GRIK2: variants seen among roughly 807,000 people sequenced by gnomAD.
GRIK2 encodes the protein glutamate receptor ionotropic, kainate 2.
A neutral mutation model predicts 100.3 loss-of-function variants in GRIK2; 32 were observed. The observed-to-expected ratio is 0.32, with a 90% CI of 0.24 to 0.43. The LOEUF is 0.43. Among genes scored for constraint, GRIK2 ranks in the 20% least tolerant of loss-of-function variants. GRIK2 has a pLI of 1.00. For missense variants in GRIK2, 843 were observed against 1,114.9 expected (o/e 0.76, Z 3.47); for synonymous variants, 417 against 389.4 (o/e 1.07, Z -0.83).
chr6:101,734,257 T>C (rs1775483290), intron 7 of GRIK2, among the ~76,000 whole-genome samples: 1 of 152,174 alleles, frequency 6.6e-6, no homozygotes, highest in Non-Finnish European at 1.5e-5. Context: ...GTTGGTATGC[T>C]GGAGACCCAG....
intron 14 of GRIK2, among the ~76,000 whole-genome samples, chr6:102,027,562 GTGT>G (rs35542977): frequency 0.27 from 41,115 of 150,712 alleles, 5,948 homozygotes; most frequent in East Asian, 0.34. Context: ...CATGGTGGAT[GTGT>G]TGTTGTTATG....
At chr6:102,000,845 T>G (rs1048549706) in intron 14 of GRIK2, among the ~76,000 whole-genome samples, 1 of 152,086 alleles carries the variant, frequency 6.6e-6, no homozygotes, top group Non-Finnish European at 1.5e-5. Context: ...AGATTTAGAT[T>G]TTCATTGATT....
chr6:101,897,023 CACACACACAG>C lies in GRIK2; in HGVS notation c.1748+7166_1748+7175del, dbSNP rs1278157997. Among the ~76,000 whole-genome samples the C allele has an allele frequency of 2.0e-5, 3 of 151,426 alleles. No individual in the cohort carries two copies. In the East Asian group the frequency reaches 5.8e-4, roughly 29 times the overall value. On this transcript the variant is annotated intron_variant, in intron 12 of 16. Coordinates refer to ENST00000369134, the MANE Select transcript of GRIK2 (RefSeq NM_021956.5). Reference sequence around the variant, plus strand: ...ACACACACACACACACACACACACACACACACACAGACACATACACATGCACACACATCTG... The same window carrying C: ...ACACACACACACACACACACACACACACACATACACATGCACACACATCTG...
At position 101,615,140 on chromosome 6, in the gene GRIK2, CCTT is replaced by C. The variant is rs112347621; in HGVS notation, c.116-6805_116-6803del. On this transcript the variant is annotated intron_variant, in intron 2 of 16. Coordinates refer to ENST00000369134, the MANE Select transcript of GRIK2 (RefSeq NM_021956.5). The stretch of plus-strand genomic sequence containing the variant: ...ATGAAAAAGAAAGGTATTCTCCTCT[CCTT>C]CTTTTTTTCTTCTTTTAACAAGCCT... Among the ~76,000 whole-genome samples, 993 of 151,768 alleles carry C rather than the reference CCTT, an allele frequency of 6.5e-3. 13 individuals carry two copies. Among genetic ancestry groups the C allele is most frequent in the African/African-American group, 0.023 (961 of 41,494 alleles).
chr6:101,607,362 A>G (rs1451655118), intron 2 of GRIK2, among the ~76,000 whole-genome samples: 2 of 152,022 alleles, frequency 1.3e-5, no homozygotes, highest in Non-Finnish European at 2.9e-5. Context: ...GGGAATGAGG[A>G]TCAGAACATC....
chr6:101,882,953 T>G (rs1287766377), intron 11 of GRIK2, among the ~76,000 whole-genome samples: 4 of 152,078 alleles, frequency 2.6e-5, no homozygotes, highest in Non-Finnish European at 4.4e-5. Flanking sequence ...TAGCAGTTAT[T>G]GACTATTATT....
In GRIK2 at chr6:101,889,855, C is replaced by T; in HGVS notation, c.1740C>T (p.Val580=). 6.3e-7 allele frequency: 1 copy of T among 1,598,886 alleles called. No homozygotes were observed. Among genetic ancestry groups the T allele is most frequent in the Non-Finnish European group, 8.6e-7 (1 of 1,166,330 alleles). Residue 580 remains valine (V), a synonymous_variant, in exon 12 of 17, where the codon GTC becomes GTT. Coordinates refer to ENST00000369134, the MANE Select transcript of GRIK2 (RefSeq NM_021956.5). ...TGGGTGTCAGTTGTGTGCTCTTTGTCATAGCCAGGTAACATGCTCACTTTT... is the reference window on the plus strand; with the variant it reads ...TGGGTGTCAGTTGTGTGCTCTTTGTTATAGCCAGGTAACATGCTCACTTTT... ...AYLGVSCVLF[V]IARFSPYEWY...
At chr6:102,013,965 C>A (rs767942448) in intron 14 of GRIK2, among the ~76,000 whole-genome samples, 1 of 152,050 alleles carries the variant, frequency 6.6e-6, no homozygotes, top group Admixed American at 6.5e-5. Context: ...GGGAGGAGCG[C>A]TTCCTCCTCA....
At chr6:101,570,204 T>C (rs914336500) in intron 2 of GRIK2, among the ~76,000 whole-genome samples, 1 of 152,086 alleles carries the variant, frequency 6.6e-6, no homozygotes, top group African/African-American at 2.4e-5. Flanking sequence ...AAGATCATTT[T>C]ACCGCTACAA....
intron 3 of GRIK2, among the ~76,000 whole-genome samples, chr6:101,625,661 A>G (rs1780396287): frequency 6.6e-6 from 1 of 152,156 alleles, no homozygotes; most frequent in Non-Finnish European, 1.5e-5. Context: ...TAGTTTGTTC[A>G]TGCCTTTCTT....
intron 10 of GRIK2, among the ~76,000 whole-genome samples, chr6:101,821,212 C>A (rs1183099477): frequency 6.6e-6 from 1 of 152,080 alleles, no homozygotes. Flanking sequence ...ATTTCTCAAT[C>A]TTGCTTCAGT....
At chr6:101,623,988 CTT>C (rs1221201964) in intron 3 of GRIK2, among the ~76,000 whole-genome samples, 8 of 151,828 alleles carry the variant, frequency 5.3e-5, no homozygotes, top group African/African-American at 1.7e-4. Context: ...TATAAAATAA[CTT>C]TAGATATTTT....
intron 2 of GRIK2, among the ~76,000 whole-genome samples, chr6:101,493,642 A>C (rs542338514): frequency 1.3e-5 from 2 of 152,084 alleles, no homozygotes; most frequent in South Asian, 4.1e-4. Context: ...AGAGCCTTCA[A>C]ACAAGGTCAG....
intron 11 of GRIK2, among the ~76,000 whole-genome samples, chr6:101,881,405 A>G (rs1241994546): frequency 6.6e-6 from 1 of 151,932 alleles, no homozygotes; most frequent in Non-Finnish European, 1.5e-5. Context: ...AGAAAATATT[A>G]GAAACATTGT....
chr6:101,689,230 A>G (rs1044285303), intron 7 of GRIK2, among the ~76,000 whole-genome samples: 2 of 152,056 alleles, frequency 1.3e-5, no homozygotes, highest in African/African-American at 2.4e-5. Flanking sequence ...CCTTCAGTCA[A>G]TTCATGAGAT....
intron 2 of GRIK2, among the ~76,000 whole-genome samples, chr6:101,544,809 A>G (rs1030786054): frequency 6.6e-6 from 1 of 152,196 alleles, no homozygotes; most frequent in African/African-American, 2.4e-5. Context: ...GTTCAAGGTC[A>G]TCCAATAAGG....
intron 7 of GRIK2, among the ~76,000 whole-genome samples, chr6:101,789,563 G>A (rs9485543): frequency 0.27 from 41,521 of 151,800 alleles, 7,532 homozygotes; most frequent in East Asian, 0.68. Context: ...CCATTGATCT[G>A]TATCTCTGTT....
chr6:101,498,188 G>C (rs926487413), intron 2 of GRIK2, among the ~76,000 whole-genome samples: 19 of 150,448 alleles, frequency 1.3e-4, no homozygotes, highest in Middle Eastern at 3.4e-3. Flanking sequence ...CCCTACAAAG[G>C]ACATGAACTC....
intron 2 of GRIK2, among the ~76,000 whole-genome samples, chr6:101,596,241 T>C (rs201556549): frequency 2.7e-5 from 4 of 150,922 alleles, no homozygotes; most frequent in African/African-American, 4.8e-5. Flanking sequence ...TTTTTTTTTT[T>C]CCTCTCAGGC....
Sources: gnomAD v4.1 joint callset for allele counts (sites outside exome capture counted in the v4.1 genomes callset) on GRCh38, gnomAD v4.1.1 for gene constraint, MANE v1.5 for transcripts, NCBI Gene and HGNC (gene_info 2026-07-23, HGNC 2026-07-21) for gene names.